Variants in OLA1 observed in about 807,000 individuals in gnomAD.
The protein encoded by OLA1 is Obg like ATPase 1.
OLA1 carries 14 observed loss-of-function variants against 48.4 expected under a neutral mutation model. The observed-to-expected ratio is 0.29, with a 90% CI of 0.19 to 0.45. The LOEUF (loss-of-function observed/expected upper bound fraction) is 0.45. OLA1 is among the 20% of genes least tolerant of loss of function. OLA1 has a pLI of 1.00. For missense variants in OLA1, 325 were observed against 467.1 expected (o/e 0.70, Z 2.80); for synonymous variants, 127 against 150.4 (o/e 0.84, Z 1.14).
intron 5 of OLA1, 36 bp from the exon 6 acceptor site, chr2:174,123,711 A>C: frequency 2.7e-6 from 3 of 1,109,502 alleles, no homozygotes; most frequent in Non-Finnish European, 2.6e-6. Flanking sequence ...ATATATATGA[A>C]TAACTAAACA....
chr2:174,084,599 C>T (rs1355479822), intron 7 of OLA1, among the ~76,000 whole-genome samples: 1 of 152,122 alleles, frequency 6.6e-6, no homozygotes, highest in Non-Finnish European at 1.5e-5. Context: ...CTGATGGTTA[C>T]AAAAGTGTGA....
chr2:174,133,341 G>A lies in OLA1; in HGVS notation c.549+8484C>T, dbSNP rs148391444. On this transcript the variant is annotated intron_variant, in intron 5 of 10. Transcript: ENST00000284719. ...ATGATGGGTTTACTGGGTTATTAGT[G>A]CTTTTTGTTTTGACATACAATATTT... is the stretch of plus-strand genomic sequence containing the variant. Among the ~76,000 whole-genome samples, 31 of 152,148 alleles carry A rather than the reference G, an allele frequency of 2.0e-4. 1 individual carries two copies. In the East Asian group the frequency reaches 6.0e-3, roughly 29 times the overall value.
At chr2:174,161,699 C>T (rs994222091) in intron 4 of OLA1, among the ~76,000 whole-genome samples, 2 of 151,048 alleles carry the variant, frequency 1.3e-5, no homozygotes, top group South Asian at 2.1e-4. Flanking sequence ...CACACACACA[C>T]ACACACACAC....
chr2:174,100,146 AAAT>A (rs1318207959), intron 7 of OLA1, among the ~76,000 whole-genome samples: 1 of 152,248 alleles, frequency 6.6e-6, no homozygotes, highest in East Asian at 1.9e-4. Context: ...TAGTACATCA[AAAT>A]AATAATATGT....
At chr2:174,137,708 A>T (rs1373667856) in intron 5 of OLA1, among the ~76,000 whole-genome samples, 1 of 152,208 alleles carries the variant, frequency 6.6e-6, no homozygotes, top group African/African-American at 2.4e-5. Flanking sequence ...AAACCACATG[A>T]AACAACCTCT....
At position 174,135,160 on chromosome 2, in the gene OLA1, C is replaced by CAAAAAA. The variant is rs71405180; in HGVS notation, c.549+6659_549+6664dup. 1.6e-4 allele frequency among the ~76,000 whole-genome samples: 14 copies of CAAAAAA among 85,968 alleles called. 1 individual carries two copies. Among genetic ancestry groups the CAAAAAA allele is most frequent in the Middle Eastern group, 6.3e-3 (1 of 160 alleles). 56.4% of individuals were successfully genotyped at this position (85,968 alleles called of 152,430 possible). ...GGGCGACAGAGCAAGACTCCGCCTC[C>CAAAAAA]AAAAAAAAAAAAAAAAAAAGAAATG... On this transcript the variant is annotated intron_variant, in intron 5 of 10. Transcript: ENST00000284719.
intron 4 of OLA1, among the ~76,000 whole-genome samples, chr2:174,169,125 T>C (rs555529508): frequency 6.6e-6 from 1 of 152,110 alleles, no homozygotes; most frequent in African/African-American, 2.4e-5. Flanking sequence ...TTTTGTATCT[T>C]TAGTAGAGAT....
intron 4 of OLA1, among the ~76,000 whole-genome samples, chr2:174,187,270 G>A (rs1475371473): frequency 3.3e-5 from 5 of 152,166 alleles, no homozygotes; most frequent in Non-Finnish European, 7.3e-5. Context: ...TATATTGCTC[G>A]AGAAAAATCA....
intron 5 of OLA1, among the ~76,000 whole-genome samples, chr2:174,130,899 C>T (rs957393076): frequency 6.6e-6 from 1 of 152,120 alleles, no homozygotes; most frequent in Admixed American, 6.5e-5. Context: ...GCCAACAATG[C>T]ACTCGAGGTC....
chr2:174,149,558 G>C (rs190618722), intron 4 of OLA1, among the ~76,000 whole-genome samples: 1 of 152,040 alleles, frequency 6.6e-6, no homozygotes, highest in South Asian at 2.1e-4. Context: ...GTGAATAAAC[G>C]CAAAATGTCA....
chr2:174,185,422 T>C (rs921767664), intron 4 of OLA1, among the ~76,000 whole-genome samples: 12 of 152,150 alleles, frequency 7.9e-5, no homozygotes, highest in African/African-American at 2.9e-4. Context: ...ACCACTAAAA[T>C]AGGTAGGCAA....
rs1334480197 is a variant in OLA1 at position 174,226,002 on chromosome 2, G to A, written c.246-2842C>T. ...GAGGTCAAGAGATCGAGACCATCCC[G>A]GCTAAAACGGTGAAACCCCGTCTCT... is the stretch of plus-strand genomic sequence containing the variant. On this transcript the variant is annotated intron_variant, in intron 3 of 10. Transcript: ENST00000284719. 4.1e-5 allele frequency among the ~76,000 whole-genome samples: 2 copies of A among 48,842 alleles called. 1 individual carries two copies. The highest frequency in any genetic ancestry group is 1.3e-4 in the African/African-American group (2 of 15,320). The allele number at this position is 48,842 out of a possible 152,430, so 32.0% of individuals were successfully genotyped here. A position where few individuals can be genotyped will look rare whatever the true frequency, so the allele number is the denominator to read the frequency against.
chr2:174,107,146 G>A (rs1262932486), intron 7 of OLA1, among the ~76,000 whole-genome samples: 2 of 151,978 alleles, frequency 1.3e-5, no homozygotes, highest in African/African-American at 4.8e-5. Context: ...GTGAAATGTC[G>A]ATTATGTACA....
chr2:174,227,822 G>A (rs1444389577), intron 3 of OLA1, among the ~76,000 whole-genome samples: 1 of 152,162 alleles, frequency 6.6e-6, no homozygotes, highest in Admixed American at 6.5e-5. Flanking sequence ...CACCATGTGA[G>A]AATCCTCATA....
intron 2 of OLA1, among the ~76,000 whole-genome samples, chr2:174,242,628 T>C (rs114347060): frequency 0.011 from 1,691 of 152,272 alleles, 29 homozygotes; most frequent in African/African-American, 0.039. Context: ...AAAATGTACA[T>C]TTTTACATGA....
At chr2:174,217,200 G>A (rs1470696874) in intron 4 of OLA1, among the ~76,000 whole-genome samples, 1 of 151,966 alleles carries the variant, frequency 6.6e-6, no homozygotes, top group Non-Finnish European at 1.5e-5. Flanking sequence ...AAAATGTTAA[G>A]GCTCAAAAAT....
At chr2:174,095,332 T>TTTTTG (rs1267725427) in intron 7 of OLA1, among the ~76,000 whole-genome samples, 1 of 109,788 alleles carries the variant, frequency 9.1e-6, no homozygotes, top group African/African-American at 3.0e-5. Flanking sequence ...CCTGTTTTTT[T>TTTTTG]TTTTTTTTTT....
chr2:174,164,660 C>T (rs1687119811), intron 4 of OLA1, among the ~76,000 whole-genome samples: 1 of 152,136 alleles, frequency 6.6e-6, no homozygotes, highest in African/African-American at 2.4e-5. Context: ...CTCCCCTCTC[C>T]AAATTCACAG....
Position 174,166,003 on chromosome 2 carries a change from T to C in OLA1, c.374-24003A>G, listed in dbSNP as rs569602180. ...AGCCGGACATGGTGGCATGTGCCTGTAGTCCCCAGCTACTTGGGAGGCTGA... is the reference window on the plus strand; with the variant it reads ...AGCCGGACATGGTGGCATGTGCCTGCAGTCCCCAGCTACTTGGGAGGCTGA... On this transcript the variant is annotated intron_variant, in intron 4 of 10. Coordinates refer to ENST00000284719, the MANE Select transcript of OLA1 (RefSeq NM_013341.5). Among the ~76,000 whole-genome samples, 134 of 152,066 alleles carry C rather than the reference T, an allele frequency of 8.8e-4. 2 individuals are homozygous for C. Among genetic ancestry groups the C allele is most frequent in the Non-Finnish European group, 9.6e-4 (65 of 67,978 alleles).
Sources: gnomAD v4.1 joint callset for allele counts (sites outside exome capture counted in the v4.1 genomes callset) on GRCh38, gnomAD v4.1.1 for gene constraint, MANE v1.5 for transcripts, NCBI Gene and HGNC (gene_info 2026-07-23, HGNC 2026-07-21) for gene names.